The following SLC35D2 variants were observed in gnomAD, a reference collection of about 807,000 sequenced individuals.
SLC35D2 encodes solute carrier family 35 member D2.
Under a neutral mutation model 41.8 loss-of-function variants are expected in SLC35D2, and 43 were observed. The ratio of observed to expected loss-of-function variants is 1.03; its 90% CI spans 0.81 to 1.33. SLC35D2 has a LOEUF of 1.33. Ranked by LOEUF, SLC35D2 falls within the 40% of genes most tolerant of loss-of-function variation. The probability of loss-of-function intolerance (pLI) is 0.00; values close to 1 mark genes in which losing one functional copy is unlikely to be tolerated. For synonymous variants in SLC35D2, 150 were observed against 163.9 expected (o/e 0.92, Z 0.65); for missense variants, 380 against 408.4 (o/e 0.93, Z 0.60).
intron 5 of SLC35D2, among the ~76,000 whole-genome samples, chr9:96,351,429 G>A (rs1490281391): frequency 1.3e-5 from 2 of 151,706 alleles, no homozygotes; most frequent in African/African-American, 4.8e-5. Flanking sequence ...ACAAAATACA[G>A]AAGCGCTCCT....
chr9:96,352,048 T>G lies in SLC35D2; in HGVS notation c.409A>C (p.Ile137Leu), dbSNP rs1420526227. The G allele has an allele frequency of 6.2e-7, 1 of 1,610,608 alleles. No individual in the cohort carries two copies. The change falls in exon 5 of 12, where the codon ATC becomes CTC. Residue 137 changes from isoleucine to leucine, a missense_variant. Transcript: ENST00000253270. ...TIPLTLLLET[I>L]ILGKQYSLNI... is the part of the protein sequence containing the mutation. ...GAAAAACAAAATCACCCAAGTATGATGGTTTCCAGAAGTAAGGTAAGTGGA... is the reference window on the plus strand; with the variant it reads ...GAAAAACAAAATCACCCAAGTATGAGGGTTTCCAGAAGTAAGGTAAGTGGA...
At chr9:96,383,436 C>A in intron 1 of SLC35D2, 41 bp downstream of exon 1, 1 of 1,483,346 alleles carries the variant, frequency 6.7e-7, no homozygotes, top group Non-Finnish European at 9.0e-7. Flanking sequence ...AGGGGCAGCC[C>A]CGCACTCCCG....
chr9:96,318,701 A>G (rs1399400636), downstream of SLC35D2, among the ~76,000 whole-genome samples: 2 of 152,136 alleles, frequency 1.3e-5, no homozygotes, highest in Non-Finnish European at 2.9e-5. Context: ...GTGAGCCTGT[A>G]GTCTCAGCTA....
chr9:96,371,576 C>G (rs1830686335), intron 1 of SLC35D2, among the ~76,000 whole-genome samples: 1 of 148,078 alleles, frequency 6.8e-6, no homozygotes, highest in Non-Finnish European at 1.5e-5. Context: ...TCTTAGACCT[C>G]TTATATTTAG....
At chr9:96,322,189 GTACA>G in intron 10 of SLC35D2, 109 bp from the exon 11 acceptor site, 1 of 694,590 alleles carries the variant, frequency 1.4e-6, no homozygotes, top group Non-Finnish European at 2.5e-6. Context: ...ATAGAGACTT[GTACA>G]TAGGGATATT....
At chr9:96,358,909 A>C (rs1355475121) in intron 4 of SLC35D2, among the ~76,000 whole-genome samples, 3 of 152,058 alleles carry the variant, frequency 2.0e-5, no homozygotes, top group African/African-American at 7.2e-5. Flanking sequence ...TGAACCCAAG[A>C]GGTGGAGGTT....
chr9:96,368,342 A>G, intron 1 of SLC35D2, 37 bp from the exon 2 acceptor site: 1 of 1,555,720 alleles, frequency 6.4e-7, no homozygotes, highest in Non-Finnish European at 8.8e-7. Flanking sequence ...AGTTGAGCAA[A>G]TATAAAACTC....
chr9:96,316,207 A>G (rs1828048677), downstream of SLC35D2, among the ~76,000 whole-genome samples: 1 of 152,120 alleles, frequency 6.6e-6, no homozygotes, highest in South Asian at 2.1e-4. Flanking sequence ...CTACTACTTA[A>G]AGGATGGCCC....
chr9:96,348,034 CTTTCTA>C (rs1018985451), intron 6 of SLC35D2, among the ~76,000 whole-genome samples: 2 of 152,204 alleles, frequency 1.3e-5, no homozygotes, highest in African/African-American at 4.8e-5. Flanking sequence ...TGGGGCTGCT[CTTTCTA>C]TGGAGTGGCC....
intron 4 of SLC35D2, among the ~76,000 whole-genome samples, chr9:96,358,100 A>ATATATATATATATATATATATC (rs1446341463): frequency 1.6e-5 from 2 of 126,496 alleles, no homozygotes; most frequent in African/African-American, 6.3e-5. Flanking sequence ...ATATATATAT[A>ATATATATATATATATATATATC]TATATATACC....
chr9:96,324,549 CT>C (rs57775451), intron 9 of SLC35D2, among the ~76,000 whole-genome samples: 38,673 of 117,614 alleles, frequency 0.33, 6,633 homozygotes, highest in East Asian at 0.68. Flanking sequence ...GCCTGCTGCA[CT>C]TTTTTTTTTT....
chr9:96,326,308 G>A (rs1369900641), intron 9 of SLC35D2, among the ~76,000 whole-genome samples: 6 of 152,136 alleles, frequency 3.9e-5, no homozygotes, highest in Non-Finnish European at 8.8e-5. Context: ...AAAAACAGTT[G>A]AAAATGCTTA....
At chr9:96,356,382 C>CTTTTT (rs199569097) in intron 4 of SLC35D2, among the ~76,000 whole-genome samples, 3 of 101,430 alleles carry the variant, frequency 3.0e-5, no homozygotes, top group African/African-American at 3.5e-5. Flanking sequence ...TTTATTTATT[C>CTTTTT]TTTTTTTTTT....
intron 1 of SLC35D2, among the ~76,000 whole-genome samples, chr9:96,382,496 C>CACTCTATATATATATATATATA (rs200897475): frequency 9.5e-4 from 122 of 127,924 alleles, no homozygotes; most frequent in African/African-American, 3.4e-3. Context: ...CACACACACA[C>CACTCTATATATATATATATATA]TATATATATA....
At chr9:96,354,379 T>C (rs544465446) in intron 4 of SLC35D2, among the ~76,000 whole-genome samples, 2 of 152,282 alleles carry the variant, frequency 1.3e-5, no homozygotes, top group Admixed American at 1.3e-4. Flanking sequence ...TTAAAAATTA[T>C]TAGAACCACA....
At chr9:96,319,361 T>G (rs1256301710), downstream of SLC35D2, among the ~76,000 whole-genome samples, 6 of 152,132 alleles carry the variant, frequency 3.9e-5, no homozygotes, top group African/African-American at 1.4e-4. Flanking sequence ...TGGGAGTTCT[T>G]GTTTCATGGG....
chr9:96,321,174 A>T lies in SLC35D2; in HGVS notation c.*68T>A. ...TCACGAATCCGAAACCTCTGGCTTCACATTCCTACTGGGAATGCCCCCCCA... is the reference window on the plus strand; with the variant it reads ...TCACGAATCCGAAACCTCTGGCTTCTCATTCCTACTGGGAATGCCCCCCCA... On this transcript the variant is annotated 3_prime_UTR_variant, in exon 12 of 12. Coordinates refer to ENST00000253270, the MANE Select transcript of SLC35D2 (RefSeq NM_007001.3). 8.3e-7 allele frequency: 1 copy of T among 1,208,642 alleles called. No homozygotes were observed. Among genetic ancestry groups the T allele is most frequent in the Non-Finnish European group, 1.2e-6 (1 of 823,086 alleles). The allele number at this position is 1,208,642 out of a possible 1,614,324, so 74.9% of individuals were successfully genotyped here.
intron 9 of SLC35D2, among the ~76,000 whole-genome samples, chr9:96,336,298 C>T (rs1028031234): frequency 6.6e-6 from 1 of 152,084 alleles, no homozygotes; most frequent in Non-Finnish European, 1.5e-5. Flanking sequence ...CCCAGCTAAT[C>T]AGGAGGCTAA....
At position 96,347,211 on chromosome 9, in the gene SLC35D2, G is replaced by A. The variant is rs577902142; in HGVS notation, c.489-1810C>T. On this transcript the variant is annotated intron_variant, in intron 6 of 11. Transcript: ENST00000253270. ...TTCAGCGTGAAGAAGAGCAGAGTCT[G>A]CCGCCCCCTGAGACAGCAGAGCCAA... Among the ~76,000 whole-genome samples the A allele has an allele frequency of 3.9e-5, 6 of 152,270 alleles. No individual in the cohort carries two copies. The East Asian group carries it at 5.8e-4, about 15-fold the overall frequency.
Sources: allele counts gnomAD v4.1 joint callset (sites outside exome capture counted in the v4.1 genomes callset), GRCh38; gene constraint gnomAD v4.1.1; transcripts MANE v1.5; gene names NCBI Gene and HGNC (gene_info 2026-07-23, HGNC 2026-07-21).